The following WDFY3 variants were observed in gnomAD, a reference collection of about 807,000 sequenced individuals.
WDFY3 encodes the protein WD repeat and FYVE domain containing 3, also known as WD repeat and FYVE domain-containing protein 3.
Under a neutral mutation model 409.6 loss-of-function variants are expected in WDFY3, and 66 were observed. That is an observed-to-expected ratio of 0.16 (90% CI 0.13 to 0.20). WDFY3 has a LOEUF of 0.20. Ranked by LOEUF, WDFY3 falls within the 10% of genes least tolerant of loss-of-function variation. WDFY3 has a pLI of 1.00. For missense variants in WDFY3, 3,031 were observed against 4,298.1 expected (o/e 0.71, Z 8.24); for synonymous variants, 1,521 against 1,537.1 (o/e 0.99, Z 0.25).
At chr4:84,765,489 ATATT>A (rs1297509951) in intron 32 of WDFY3, among the ~76,000 whole-genome samples, 1 of 152,078 alleles carries the variant, frequency 6.6e-6, no homozygotes, top group Non-Finnish European at 1.5e-5. Flanking sequence ...CTCAAAATAA[ATATT>A]TATTATTATT....
chr4:84,834,142 G>A (rs903132774), intron 7 of WDFY3, among the ~76,000 whole-genome samples: 2 of 152,132 alleles, frequency 1.3e-5, no homozygotes, highest in African/African-American at 4.8e-5. Flanking sequence ...CGAGACAAAT[G>A]CCAGTTTTCC....
intron 5 of WDFY3, among the ~76,000 whole-genome samples, chr4:84,845,674 A>G (rs1450196893): frequency 6.6e-6 from 1 of 152,154 alleles, no homozygotes; most frequent in African/African-American, 2.4e-5. Flanking sequence ...AAAATCTAGA[A>G]CTTTTTACTA....
chr4:84,937,463 A>T (rs1771571183), intron 1 of WDFY3, among the ~76,000 whole-genome samples: 1 of 152,134 alleles, frequency 6.6e-6, no homozygotes, highest in South Asian at 2.1e-4. Flanking sequence ...AATACTGAGA[A>T]TCTGACCACT....
At chr4:84,894,197 T>C (rs997828781) in intron 3 of WDFY3, among the ~76,000 whole-genome samples, 2 of 152,108 alleles carry the variant, frequency 1.3e-5, no homozygotes, top group Non-Finnish European at 2.9e-5. Context: ...ATCAAAACAA[T>C]ATATGTTAAA....
intron 59 of WDFY3, among the ~76,000 whole-genome samples, chr4:84,692,449 A>T (rs1560538712): frequency 2.0e-5 from 3 of 152,104 alleles, no homozygotes; most frequent in Non-Finnish European, 4.4e-5. Flanking sequence ...ATATTTTTAG[A>T]TATCCCATTA....
chr4:84,778,722 CA>C lies in WDFY3; in HGVS notation c.4366-68del, dbSNP rs1745982238. ...TATATATTCATTACACACACACAAA[CA>C]CACACATACACACACAAACACACAC... On this transcript the variant is annotated intron_variant, in intron 26 of 67. Coordinates refer to ENST00000295888, the MANE Select transcript of WDFY3 (RefSeq NM_014991.6). 5.5e-6 allele frequency: 8 copies of C among 1,459,556 alleles called. No individual in the cohort carries two copies. In the Admixed American group the frequency reaches 1.7e-4, roughly 31 times the overall value. 90.4% of individuals were successfully genotyped at this position (1,459,556 alleles called of 1,614,324 possible).
chr4:84,849,912 G>A lies in WDFY3; in HGVS notation c.294C>T (p.Asn98=). The A allele has an allele frequency of 6.2e-7, 1 of 1,611,946 alleles. No individual in the cohort carries two copies. Among genetic ancestry groups the A allele is most frequent in the Non-Finnish European group, 8.5e-7 (1 of 1,179,458 alleles). The change falls in exon 5 of 68, where the codon AAC becomes AAT. Residue 98 remains asparagine (N), a synonymous_variant. Transcript: ENST00000295888. ...CTACTGTAAAAATACCTGTGGATTTGTTTGATGCTCTCCTTCGAATTTCTG... is the reference window on the plus strand; with the variant it reads ...CTACTGTAAAAATACCTGTGGATTTATTTGATGCTCTCCTTCGAATTTCTG... ...MVTEIRRRAS[N]KSTEAASRAI...
chr4:84,764,293 C>A lies in WDFY3; in HGVS notation c.5188+1517G>T, dbSNP rs548335204. 5.3e-5 allele frequency among the ~76,000 whole-genome samples: 8 copies of A among 152,132 alleles called. No homozygotes were observed. The South Asian group carries it at 6.2e-4, about 12-fold the overall frequency. ...ATTCTCCAGTAGGTATTATTAAGGC[C>A]AATAAACGAAACTTCTTACTACCAA... is the stretch of plus-strand genomic sequence containing the variant. On this transcript the variant is annotated intron_variant, in intron 32 of 67. Transcript: ENST00000295888.
At chr4:84,874,358 A>G (rs1193552801) in intron 3 of WDFY3, among the ~76,000 whole-genome samples, 1 of 152,004 alleles carries the variant, frequency 6.6e-6, no homozygotes, top group Non-Finnish European at 1.5e-5. Flanking sequence ...GGTTGCAGTG[A>G]GCCGAGATTG....
rs746100872 is a variant in WDFY3, at chr4:84,716,979, C to T, written c.7792G>A (p.Gly2598Ser). Residue 2598 changes from glycine to serine, a missense_variant, in exon 49 of 68, where the codon GGC becomes AGC. By Grantham distance (56) the Gly-to-Ser change is moderately conservative. Transcript: ENST00000295888. ...CATGTTCTCTTGAGTTGACTAGGGC[C>T]TTGCCTGGCTCCTCTAGGAATAATA... is the stretch of plus-strand genomic sequence containing the variant. ...EPIIPRGARQ[G>S]PSQLKRTCSI... is the part of the protein sequence containing the mutation. 1.2e-6 allele frequency: 2 copies of T among 1,608,184 alleles called. No individual in the cohort carries two copies. Among genetic ancestry groups the T allele is most frequent in the Non-Finnish European group, 1.7e-6 (2 of 1,177,016 alleles).
rs566302343 is a variant in WDFY3 at position 84,743,610 on chromosome 4, A to G, written c.6073+90T>C. On this transcript the variant is annotated intron_variant, in intron 37 of 67. Coordinates refer to ENST00000295888, the MANE Select transcript of WDFY3 (RefSeq NM_014991.6). The stretch of plus-strand genomic sequence containing the variant: ...TGAGAAGCTAGACAAAAAAGGAAAG[A>G]AAAAAGCTGATGTTAAAAAGTAGTT... The G allele has an allele frequency of 7.1e-6, 7 of 983,814 alleles. No homozygotes were observed. In the East Asian group the frequency reaches 1.2e-4, roughly 17 times the overall value. The allele number at this position is 983,814 out of a possible 1,614,324, so 60.9% of individuals were successfully genotyped here.
At chr4:84,695,493 C>CAGAGACAGAG (rs1174189904) in intron 58 of WDFY3, among the ~76,000 whole-genome samples, 77 of 119,926 alleles carry the variant, frequency 6.4e-4, no homozygotes, top group African/African-American at 2.5e-3. Flanking sequence ...CACACACACA[C>CAGAGACAGAG]AGAGACAGAG....
chr4:84,939,311 T>C (rs749604107), intron 1 of WDFY3, among the ~76,000 whole-genome samples: 3 of 152,198 alleles, frequency 2.0e-5, no homozygotes, highest in African/African-American at 7.2e-5. Flanking sequence ...GGGTGTCCTA[T>C]CTGGAGTCAC....
intron 36 of WDFY3, among the ~76,000 whole-genome samples, chr4:84,750,497 T>A (rs1397847846): frequency 6.6e-6 from 1 of 152,090 alleles, no homozygotes; most frequent in Admixed American, 6.6e-5. Flanking sequence ...GGTTCAGCTG[T>A]CAAACTGCTG....
rs1748203003 is a variant in WDFY3, at chr4:84,789,894, A to C, written c.3501T>G (p.Ser1167Arg). 6.2e-7 allele frequency: 1 copy of C among 1,613,998 alleles called. No homozygotes were observed. Among genetic ancestry groups the C allele is most frequent in the African/African-American group, 1.3e-5 (1 of 74,920 alleles). The change falls in exon 22 of 68, where the codon AGT (serine) becomes AGG (arginine). Residue 1167 changes from serine (S) to arginine (R), a missense_variant. Physicochemically the swap from Ser to Arg is moderately radical, Grantham distance 110. Transcript: ENST00000295888. ...ELLQNYVDDF[S>R]EESSFYEILP... is the part of the protein sequence containing the mutation. Reference sequence around the variant, plus strand: ...GAATTTCATAAAATGAGGACTCTTCACTAAAATCATCAACTGAAATAAAGG... The same window carrying C: ...GAATTTCATAAAATGAGGACTCTTCCCTAAAATCATCAACTGAAATAAAGG...
intron 35 of WDFY3, among the ~76,000 whole-genome samples, chr4:84,752,377 G>A (rs774617066): frequency 2.0e-5 from 3 of 151,986 alleles, no homozygotes; most frequent in South Asian, 2.1e-4. Flanking sequence ...TTGGCCAGGC[G>A]TAGTGGTCCA....
At position 84,735,137 on chromosome 4, in the gene WDFY3, A is replaced by G; in HGVS notation, c.6916-17T>C. ...CGAAATCTCCTAACAATGGATGGAA[A>G]AAGAGTCTTAATATTTCATGGATTT... is the stretch of plus-strand genomic sequence containing the variant. On this transcript the variant is annotated splice_polypyrimidine_tract_variant and intron_variant, in intron 42 of 67. Transcript: ENST00000295888. 1 of 1,603,112 alleles carries G rather than the reference A, an allele frequency of 6.2e-7. No homozygotes were observed. The highest frequency in any genetic ancestry group is 8.5e-7 in the Non-Finnish European group (1 of 1,174,718).
rs529260376 is a variant in WDFY3, at chr4:84,896,024, G to A, written c.-32+887C>T. ...TGTAATCCCAGCACTTTGGGAGGCC[G>A]AGGGGGACGGATCACGAGGTCAAGA... On this transcript the variant is annotated intron_variant, in intron 3 of 67. Transcript: ENST00000295888. Among the ~76,000 whole-genome samples, 4 of 152,208 alleles carry A rather than the reference G, an allele frequency of 2.6e-5. No homozygotes were observed. In the South Asian group the frequency reaches 8.3e-4, roughly 32 times the overall value.
At chr4:84,961,832 A>AT (rs1774963149) in intron 1 of WDFY3, among the ~76,000 whole-genome samples, 1 of 152,198 alleles carries the variant, frequency 6.6e-6, no homozygotes, top group African/African-American at 2.4e-5. Flanking sequence ...ACTCTCAGAT[A>AT]TTGCTGTAGG....
Sources: allele counts gnomAD v4.1 joint callset (sites outside exome capture counted in the v4.1 genomes callset), GRCh38; gene constraint gnomAD v4.1.1; transcripts MANE v1.5; gene names NCBI Gene and HGNC (gene_info 2026-07-23, HGNC 2026-07-21).